SVIL: variants seen among roughly 807,000 people sequenced by gnomAD.
SVIL encodes supervillin, also known as archvillin.
SVIL carries 101 observed loss-of-function variants against 240.4 expected under a neutral mutation model. That is an observed-to-expected ratio of 0.42 (90% CI 0.36 to 0.50). The LOEUF (loss-of-function observed/expected upper bound fraction) is 0.50, where lower values mean the gene tolerates loss of function less well. Ranked by LOEUF, SVIL falls within the 20% of genes least tolerant of loss-of-function variation. The pLI is 0.01. For missense variants in SVIL, 2,512 were observed against 2,818.7 expected (o/e 0.89, Z 2.46); for synonymous variants, 999 against 1,100.0 (o/e 0.91, Z 1.82).
At chr10:29,697,979 G>GGCCGCGACCCCGCGGAGTTT (rs1170389213) in intron 1 of SVIL, 1 of 956,942 alleles carries the variant, frequency 1.0e-6, no homozygotes, top group South Asian at 1.4e-5. Context: ...ACGATGACAA[G>GGCCGCGACCCCGCGGAGTTT]GAGTTTGAGT....
At chr10:29,494,491 G>T (rs546224055) in intron 20 of SVIL, among the ~76,000 whole-genome samples, 1 of 152,122 alleles carries the variant, frequency 6.6e-6, no homozygotes, top group African/African-American at 2.4e-5. Flanking sequence ...TTGGTATACC[G>T]CATTGACTTT....
At chr10:29,574,111 T>C (rs1029806609) in intron 1 of SVIL, among the ~76,000 whole-genome samples, 10 of 152,258 alleles carry the variant, frequency 6.6e-5, no homozygotes, top group African/African-American at 2.4e-4. Context: ...CAAAGTTCCC[T>C]GCTGCTGTGT....
chr10:29,687,099 A>G (rs1374608465), intron 1 of SVIL, among the ~76,000 whole-genome samples: 2 of 152,242 alleles, frequency 1.3e-5, no homozygotes, highest in Admixed American at 1.3e-4. Flanking sequence ...GACTGCCTCC[A>G]TAGGTAAGTA....
In SVIL at chr10:29,537,488, A is replaced by G. The variant is rs190312021; in HGVS notation, c.828-1419T>C. Among the ~76,000 whole-genome samples, 125 of 152,350 alleles carry G rather than the reference A, an allele frequency of 8.2e-4. 1 individual carries two copies. The Middle Eastern group carries it at 0.014, about 17-fold the overall frequency. On this transcript the variant is annotated intron_variant, in intron 6 of 37. Transcript: ENST00000355867. ...TGGGTAAGGACAACCTTGTTTTAAC[A>G]ACATAAAGCAAGTCAAAGGAGGAAC...
At chr10:29,694,726 C>T (rs997938497) in intron 1 of SVIL, among the ~76,000 whole-genome samples, 1 of 152,156 alleles carries the variant, frequency 6.6e-6, no homozygotes, top group Non-Finnish European at 1.5e-5. Context: ...TCCCAAAGTG[C>T]GTGAGCCACT....
intron 17 of SVIL, among the ~76,000 whole-genome samples, chr10:29,510,251 A>C (rs942274676): frequency 5.9e-5 from 9 of 152,224 alleles, no homozygotes; most frequent in Non-Finnish European, 7.3e-5. Context: ...AGCCCCTCAA[A>C]TATGTTTTCT....
At chr10:29,676,046 C>A (rs909272160) in intron 2 of SVIL, among the ~76,000 whole-genome samples, 2 of 152,174 alleles carry the variant, frequency 1.3e-5, no homozygotes, top group African/African-American at 4.8e-5. Flanking sequence ...TAACTACTGA[C>A]CCCCTGCTTC....
intron 6 of SVIL, among the ~76,000 whole-genome samples, chr10:29,541,639 G>A (rs1157757570): frequency 6.6e-6 from 1 of 152,166 alleles, no homozygotes; most frequent in East Asian, 1.9e-4. Flanking sequence ...GAGGAGGTAT[G>A]TGCAGAAAGC....
chr10:29,610,411 G>A (rs984122352), intron 1 of SVIL, among the ~76,000 whole-genome samples: 1 of 150,404 alleles, frequency 6.6e-6, no homozygotes, highest in Non-Finnish European at 1.5e-5. Context: ...TGTCAATCAA[G>A]GCTCTCCCCT....
chr10:29,699,865 G>A lies in SVIL; in HGVS notation c.-399-13214C>T, dbSNP rs182883925. 1.1e-4 allele frequency among the ~76,000 whole-genome samples: 17 copies of A among 152,264 alleles called. No homozygotes were observed. The East Asian group carries it at 3.1e-3, about 28-fold the overall frequency. On this transcript the variant is annotated intron_variant, in intron 1 of 35. Transcript: ENST00000375400. ...AGTGTCCTCAGGGCATTGATGGGCT[G>A]GTAACACAGTTGGCTACTGAACAGT...
chr10:29,620,649 C>T (rs1454133138), intron 1 of SVIL, among the ~76,000 whole-genome samples: 6 of 152,088 alleles, frequency 3.9e-5, no homozygotes, highest in African/African-American at 1.2e-4. Flanking sequence ...TTTTTTGAGA[C>T]GGAGTCTCAC....
chr10:29,542,204 TATA>T (rs201837866), intron 6 of SVIL, among the ~76,000 whole-genome samples: 2,235 of 152,340 alleles, frequency 0.015, 45 homozygotes, highest in African/African-American at 0.048. Context: ...ACAGCACTGC[TATA>T]GTTTGGTGAC....
rs80252965 is a variant in SVIL at position 29,584,656 on chromosome 10, C to T, written c.-200-15344G>A. Among the ~76,000 whole-genome samples the T allele has an allele frequency of 1.6e-4, 24 of 152,322 alleles. No homozygotes were observed. The East Asian group carries it at 4.6e-3, about 29-fold the overall frequency. On this transcript the variant is annotated intron_variant, in intron 1 of 37. Transcript: ENST00000355867. ...CACTGGCTCTGGGTCTCCTCTTCGG[C>T]CTCTTTAACCTGCGGCCTTCCCATG...
intron 1 of SVIL, among the ~76,000 whole-genome samples, chr10:29,571,038 C>T (rs1414074174): frequency 1.3e-5 from 2 of 152,224 alleles, no homozygotes; most frequent in East Asian, 3.8e-4. Context: ...TGGCTGCACA[C>T]AGACGGCTCG....
intron 1 of SVIL, among the ~76,000 whole-genome samples, chr10:29,577,936 T>G (rs374076138): frequency 6.6e-6 from 1 of 152,210 alleles, no homozygotes; most frequent in East Asian, 1.9e-4. Flanking sequence ...AATAAATGGG[T>G]CCGTGAATTG....
intron 23 of SVIL, among the ~76,000 whole-genome samples, chr10:29,488,329 G>T (rs1285173259): frequency 6.6e-6 from 1 of 152,034 alleles, no homozygotes; most frequent in Non-Finnish European, 1.5e-5. Context: ...GGGGGGACCT[G>T]GGTTCAAATC....
At chr10:29,580,347 C>CT (rs1955886611) in intron 1 of SVIL, among the ~76,000 whole-genome samples, 1 of 151,954 alleles carries the variant, frequency 6.6e-6, no homozygotes, top group South Asian at 2.1e-4. Flanking sequence ...TAAACCCTGT[C>CT]TCTAAAAAAA....
intron 1 of SVIL, among the ~76,000 whole-genome samples, chr10:29,587,263 C>T (rs755567766): frequency 6.6e-6 from 1 of 152,228 alleles, no homozygotes; most frequent in Non-Finnish European, 1.5e-5. Context: ...ATTAATAGAA[C>T]AGTACTAGGC....
chr10:29,718,735 G>A (rs575183053), intron 1 of SVIL, among the ~76,000 whole-genome samples: 1 of 152,164 alleles, frequency 6.6e-6, no homozygotes, highest in Non-Finnish European at 1.5e-5. Flanking sequence ...TGTGCCTGAG[G>A]GGGTGGGGGA....
Sources: gnomAD v4.1 joint callset for allele counts (sites outside exome capture counted in the v4.1 genomes callset) on GRCh38, gnomAD v4.1.1 for gene constraint, MANE v1.5 for transcripts, NCBI Gene and HGNC (gene_info 2026-07-23, HGNC 2026-07-21) for gene names.